The following OPHN1 variants were observed in gnomAD, a reference collection of about 807,000 sequenced individuals.
OPHN1 encodes the protein oligophrenin-1.
OPHN1 carries 11 observed loss-of-function variants against 60.7 expected under a neutral mutation model. The ratio of observed to expected loss-of-function variants is 0.18; its 90% CI spans 0.11 to 0.30. The LOEUF is 0.30. Among genes scored for constraint, OPHN1 ranks in the 10% least tolerant of loss-of-function variants. The pLI, the probability that OPHN1 is intolerant of heterozygous loss-of-function variation, is 1.00. For synonymous variants in OPHN1, 226 were observed against 222.6 expected, an observed-to-expected ratio of 1.02 and a Z score of -0.14; for missense variants, 449 against 611.0, an observed-to-expected ratio of 0.73 and a Z score of 2.80.
At chrX:68,097,430 C>G (rs1176609011) in intron 18 of OPHN1, among the ~76,000 whole-genome samples, 1 of 110,967 alleles carries the variant, frequency 9.0e-6, no homozygotes, top group Non-Finnish European at 1.9e-5. Context: ...GCCTACTAGT[C>G]TCTTAAATCA....
At chrX:68,206,699 G>C in intron 9 of OPHN1, 26 bp from the exon 10 acceptor site, 1 of 1,061,400 alleles carries the variant, frequency 9.4e-7, no homozygotes, top group Non-Finnish European at 1.3e-6. Flanking sequence ...AAAGTGAGCA[G>C]ACAGAATAAC....
chrX:68,304,816 G>A (rs2078137575), intron 2 of OPHN1, among the ~76,000 whole-genome samples: 1 of 111,248 alleles, frequency 9.0e-6, no homozygotes, highest in South Asian at 3.8e-4. Context: ...AGAGAAGGCA[G>A]AATGTGGTTG....
At chrX:68,332,909 G>C (rs1194905407) in intron 2 of OPHN1, among the ~76,000 whole-genome samples, 1 of 110,947 alleles carries the variant, frequency 9.0e-6, no homozygotes, top group Admixed American at 9.7e-5. Context: ...AGATTCTGCT[G>C]CCTGGATGCA....
At chrX:68,215,939 C>T (rs185360478) in intron 6 of OPHN1, among the ~76,000 whole-genome samples, 1 of 111,222 alleles carries the variant, frequency 9.0e-6, no homozygotes, top group Non-Finnish European at 1.9e-5. Flanking sequence ...AAAAAAAGAG[C>T]ACTAGAAAAG....
intron 19 of OPHN1, among the ~76,000 whole-genome samples, chrX:68,081,248 C>T (rs1023939091): frequency 2.7e-5 from 3 of 110,650 alleles, no homozygotes; most frequent in Non-Finnish European, 3.8e-5. Flanking sequence ...AGAGAGAGTA[C>T]AAAATAGAGG....
chrX:68,310,523 A>G (rs937472218), intron 2 of OPHN1, among the ~76,000 whole-genome samples: 2 of 111,121 alleles, frequency 1.8e-5, no homozygotes, highest in African/African-American at 6.5e-5. Context: ...AGAACTTCAC[A>G]GTTGAAAATT....
Position 68,152,124 on chromosome X carries a change from A to AC in OPHN1, c.1277-32793dup, listed in dbSNP as rs200881055. Among the ~76,000 whole-genome samples, 10 of 110,268 alleles carry AC rather than the reference A, an allele frequency of 9.1e-5. No individual in the cohort carries two copies. In the East Asian group the frequency reaches 2.9e-3, roughly 32 times the overall value. On this transcript the variant is annotated intron_variant, in intron 15 of 24. Transcript: ENST00000355520. ...GAGAAACCATCTCCATGATCCAATC[A>AC]CCTCCCATGAGGCCCCACCTCCAAC...
intron 14 of OPHN1, among the ~76,000 whole-genome samples, chrX:68,193,512 G>A (rs1377661753): frequency 9.0e-6 from 1 of 111,413 alleles, no homozygotes; most frequent in Admixed American, 9.6e-5. Context: ...AGGGAGTATC[G>A]GCAACCAGGA....
intron 23 of OPHN1, among the ~76,000 whole-genome samples, chrX:68,051,257 A>G (rs780780904): frequency 2.1e-4 from 23 of 111,388 alleles, no homozygotes; most frequent in Non-Finnish European, 2.3e-4. Flanking sequence ...CCAAGAAGGA[A>G]CAAACTCACA....
At chrX:68,068,361 C>T (rs2076920702) in intron 20 of OPHN1, among the ~76,000 whole-genome samples, 1 of 106,668 alleles carries the variant, frequency 9.4e-6, no homozygotes, top group African/African-American at 3.4e-5. Context: ...ATCCCAGCTA[C>T]TCGGGAGGCT....
chrX:68,240,234 A>G (rs2077774292), intron 5 of OPHN1, among the ~76,000 whole-genome samples: 1 of 112,464 alleles, frequency 8.9e-6, no homozygotes, highest in Non-Finnish European at 1.9e-5. Flanking sequence ...TCCATTTAGT[A>G]TAATGTTTGC....
intron 15 of OPHN1, among the ~76,000 whole-genome samples, chrX:68,174,504 C>T (rs1204308474): frequency 1.9e-4 from 16 of 84,411 alleles, no homozygotes; most frequent in Non-Finnish European, 2.8e-4. Flanking sequence ...CAGAGTCTCA[C>T]TCTATCACCC....
chrX:68,199,406 G>A (rs937791258), intron 11 of OPHN1, among the ~76,000 whole-genome samples: 5 of 111,674 alleles, frequency 4.5e-5, no homozygotes, highest in Non-Finnish European at 7.5e-5. Context: ...GGAGGCTCAC[G>A]CAAGAGGATC....
intron 15 of OPHN1, among the ~76,000 whole-genome samples, chrX:68,123,073 A>C (rs1400609781): frequency 9.0e-6 from 1 of 111,424 alleles, no homozygotes; most frequent in Non-Finnish European, 1.9e-5. Flanking sequence ...AAGGATCCTA[A>C]AAGCAGCAAG....
rs181838211 is a variant in OPHN1 at position 68,351,757 on chromosome X, C to A, written c.155-52661G>T. Reference sequence around the variant, plus strand: ...TGTCGCCCAGGCGGGAGTGCAGTGCCGCGATCTCGGCTCACTGCAAGCTCC... The same window carrying A: ...TGTCGCCCAGGCGGGAGTGCAGTGCAGCGATCTCGGCTCACTGCAAGCTCC... On this transcript the variant is annotated intron_variant, in intron 2 of 24. Transcript: ENST00000355520. Among the ~76,000 whole-genome samples the A allele has an allele frequency of 1.0e-3, 113 of 111,299 alleles. 1 individual carries two copies. The East Asian group carries it at 0.031, about 31-fold the overall frequency.
chrX:68,404,698 T>G (rs2147771150), intron 2 of OPHN1, among the ~76,000 whole-genome samples: 1 of 111,604 alleles, frequency 9.0e-6, no homozygotes, highest in East Asian at 2.8e-4. Flanking sequence ...AATGAAATTC[T>G]GACACATTCG....
intron 2 of OPHN1, among the ~76,000 whole-genome samples, chrX:68,409,812 G>A (rs944686906): frequency 1.8e-5 from 2 of 111,743 alleles, no homozygotes; most frequent in African/African-American, 6.5e-5. Flanking sequence ...ATCAAATAAC[G>A]TCATATTTTC....
intron 15 of OPHN1, among the ~76,000 whole-genome samples, chrX:68,148,231 G>A (rs1234700001): frequency 9.0e-6 from 1 of 111,278 alleles, no homozygotes; most frequent in African/African-American, 3.3e-5. Context: ...TAAAGGATAC[G>A]ATAATATGAT....
Position 68,213,921 on chromosome X carries a change from C to G in OPHN1, c.538G>C (p.Asp180His). The change falls in exon 7 of 25, where the codon GAT becomes CAT. Residue 180 changes from aspartate (D) to histidine (H), a missense_variant. This residue lies in a region of OPHN1 where 99 missense variants were observed against 155.2 expected (regional missense o/e 0.64). Transcript: ENST00000355520. ...ACTTCCTGGATTTGATAAACATAAT[C>G]AAGAGAGGACTCGAAAAAATTGTGC... ...ERHNFFESSL[D>H]YVYQIQEVQE... 1 of 1,206,771 alleles carries G rather than the reference C, an allele frequency of 8.3e-7. No individual in the cohort carries two copies. Among genetic ancestry groups the G allele is most frequent in the Non-Finnish European group, 1.1e-6 (1 of 892,089 alleles).
Sources: allele counts gnomAD v4.1 joint callset (sites outside exome capture counted in the v4.1 genomes callset), GRCh38; gene constraint gnomAD v4.1.1; regional missense constraint gnomAD v4.1.1; transcripts MANE v1.5; gene names NCBI Gene and HGNC (gene_info 2026-07-23, HGNC 2026-07-21).